The following FRMD4B variants were observed in gnomAD, a reference collection of about 807,000 sequenced individuals.
The protein encoded by FRMD4B is FERM domain-containing protein 4B.
In FRMD4B, 74 loss-of-function variants were observed where a neutral mutation model predicts 141.5. That is an observed-to-expected ratio of 0.52 (90% CI 0.43 to 0.63). FRMD4B has a LOEUF of 0.63. Ranked by LOEUF, FRMD4B falls within the 30% of genes least tolerant of loss-of-function variation. The pLI is 0.00. For missense variants in FRMD4B, 1,366 were observed against 1,253.4 expected (o/e 1.09, Z -1.36); for synonymous variants, 506 against 467.9 (o/e 1.08, Z -1.05).
rs534394808 is a variant in FRMD4B at position 69,492,466 on chromosome 3, C to T, written c.-129+49740G>A. 1.3e-3 allele frequency among the ~76,000 whole-genome samples: 201 copies of T among 152,298 alleles called. 1 individual carries two copies. Among genetic ancestry groups the T allele is most frequent in the South Asian group, 4.8e-3 (23 of 4,832 alleles). The stretch of plus-strand genomic sequence containing the variant: ...GAGAAAAAATACATGCTTTAGTTTA[C>T]ATCATCTGATTGTATTTTGTGGATC... On this transcript the variant is annotated intron_variant, in intron 1 of 5. Transcript: ENST00000459638.
At chr3:69,424,379 G>A (rs1367104125) in intron 2 of FRMD4B, among the ~76,000 whole-genome samples, 1 of 152,098 alleles carries the variant, frequency 6.6e-6, no homozygotes, top group South Asian at 2.1e-4. Context: ...CTGCAGCATC[G>A]AACTCCTGGA....
At chr3:69,309,341 A>G (rs1701496473) in intron 3 of FRMD4B, among the ~76,000 whole-genome samples, 1 of 135,050 alleles carries the variant, frequency 7.4e-6, no homozygotes, top group Admixed American at 8.1e-5. Context: ...GGGTCTCACT[A>G]TGTTGCCTAG....
At chr3:69,263,578 C>T (rs2093541960) in intron 5 of FRMD4B, among the ~76,000 whole-genome samples, 1 of 151,196 alleles carries the variant, frequency 6.6e-6, no homozygotes, top group Non-Finnish European at 1.5e-5. Flanking sequence ...GGCTAATTTT[C>T]CATTTTTATA....
chr3:69,366,224 C>T (rs1703648186), intron 1 of FRMD4B, among the ~76,000 whole-genome samples: 1 of 150,154 alleles, frequency 6.7e-6, no homozygotes, highest in African/African-American at 2.5e-5. Context: ...TGCATCACTG[C>T]ACTCCAACCT....
At chr3:69,349,121 A>G (rs948222366) in intron 1 of FRMD4B, among the ~76,000 whole-genome samples, 1 of 152,264 alleles carries the variant, frequency 6.6e-6, no homozygotes, top group Admixed American at 6.5e-5. Context: ...CAACTTCAGC[A>G]AAGTCTCAGG....
chr3:69,212,960 G>A (rs912107610), intron 11 of FRMD4B, among the ~76,000 whole-genome samples: 1 of 151,732 alleles, frequency 6.6e-6, no homozygotes, highest in South Asian at 2.1e-4. Context: ...ACTAGGGTAA[G>A]GTATTTGTTT....
chr3:69,537,563 T>C (rs1363313450), intron 1 of FRMD4B, among the ~76,000 whole-genome samples: 1 of 152,234 alleles, frequency 6.6e-6, no homozygotes, highest in East Asian at 1.9e-4. Context: ...TAAGAGGTTT[T>C]GGGACTGTTG....
intron 1 of FRMD4B, among the ~76,000 whole-genome samples, chr3:69,460,717 G>A (rs1339943330): frequency 6.6e-6 from 1 of 152,188 alleles, no homozygotes; most frequent in East Asian, 1.9e-4. Flanking sequence ...ACAAATGGGT[G>A]TGTCTGGATT....
chr3:69,481,538 T>C (rs1199772774), intron 1 of FRMD4B, among the ~76,000 whole-genome samples: 1 of 152,156 alleles, frequency 6.6e-6, no homozygotes, highest in African/African-American at 2.4e-5. Flanking sequence ...CACGTAACAG[T>C]TAGGCAGTAA....
At chr3:69,342,641 C>T (rs1455106771) in intron 1 of FRMD4B, among the ~76,000 whole-genome samples, 2 of 152,308 alleles carry the variant, frequency 1.3e-5, no homozygotes, top group East Asian at 3.9e-4. Flanking sequence ...CCCTCAATAA[C>T]ATTAAAATGT....
intron 5 of FRMD4B, among the ~76,000 whole-genome samples, chr3:69,268,825 T>C (rs2093580874): frequency 6.6e-6 from 1 of 151,984 alleles, no homozygotes; most frequent in South Asian, 2.1e-4. Flanking sequence ...TGCTCATTTA[T>C]TACTATTTTT....
At chr3:69,205,785 A>G (rs1265913846) in intron 11 of FRMD4B, among the ~76,000 whole-genome samples, 2 of 152,188 alleles carry the variant, frequency 1.3e-5, no homozygotes, top group African/African-American at 4.8e-5. Flanking sequence ...TTACAGGATA[A>G]TATTTGGTGA....
intron 1 of FRMD4B, among the ~76,000 whole-genome samples, chr3:69,350,641 G>C (rs1441680132): frequency 6.6e-6 from 1 of 152,140 alleles, no homozygotes; most frequent in Non-Finnish European, 1.5e-5. Flanking sequence ...ATACTGTGCA[G>C]CCATAAAGAA....
At chr3:69,353,092 T>TAA (rs5849893) in intron 1 of FRMD4B, among the ~76,000 whole-genome samples, 21 of 149,630 alleles carry the variant, frequency 1.4e-4, no homozygotes, top group Admixed American at 2.0e-4. Context: ...ATTTAAAATT[T>TAA]AAAAAAAAAA....
chr3:69,315,624 G>A (rs1246432477), intron 1 of FRMD4B, among the ~76,000 whole-genome samples: 2 of 152,064 alleles, frequency 1.3e-5, no homozygotes, highest in Admixed American at 1.3e-4. Context: ...GATTCTTGTT[G>A]ATCTTTCCAA....
At chr3:69,245,403 G>A (rs917551045) in intron 7 of FRMD4B, among the ~76,000 whole-genome samples, 3 of 151,166 alleles carry the variant, frequency 2.0e-5, no homozygotes, top group Non-Finnish European at 2.9e-5. Flanking sequence ...GCAGTGGAAC[G>A]ATCTCTAGCT....
At chr3:69,497,465 C>T (rs780264914) in intron 1 of FRMD4B, among the ~76,000 whole-genome samples, 1 of 152,060 alleles carries the variant, frequency 6.6e-6, no homozygotes, top group Non-Finnish European at 1.5e-5. Flanking sequence ...TTTTAGTATT[C>T]GTGGCCCAGT....
intron 1 of FRMD4B, among the ~76,000 whole-genome samples, chr3:69,440,339 C>T (rs1705324731): frequency 6.6e-6 from 1 of 152,190 alleles, no homozygotes; most frequent in South Asian, 2.1e-4. Context: ...CTAAAGCATC[C>T]TATATCATAT....
intron 11 of FRMD4B, among the ~76,000 whole-genome samples, chr3:69,215,284 C>CT (rs577275162): frequency 0.011 from 478 of 45,192 alleles, 165 homozygotes; most frequent in African/African-American, 0.025. Context: ...TTGTGACCCT[C>CT]TTTTTTTTTT....
Sources: allele counts gnomAD v4.1 joint callset (sites outside exome capture counted in the v4.1 genomes callset), GRCh38; gene constraint gnomAD v4.1.1; transcripts MANE v1.5; gene names NCBI Gene and HGNC (gene_info 2026-07-23, HGNC 2026-07-21).